The following MAGI2 variants were observed in gnomAD, a reference collection of about 807,000 sequenced individuals.
MAGI2 encodes the protein membrane-associated guanylate kinase, WW and PDZ domain-containing protein 2.
Under a neutral mutation model 133.3 loss-of-function variants are expected in MAGI2, and 35 were observed. The observed-to-expected ratio is 0.26, with a 90% CI of 0.20 to 0.35. The LOEUF is 0.35. Among genes scored for constraint, MAGI2 ranks in the 10% least tolerant of loss-of-function variants. MAGI2 has a pLI of 1.00. For missense variants in MAGI2, 1,636 were observed against 1,863.4 expected (o/e 0.88, Z 2.25); for synonymous variants, 729 against 710.6 (o/e 1.03, Z -0.41).
At chr7:78,735,776 C>A (rs1177031147) in intron 2 of MAGI2, among the ~76,000 whole-genome samples, 1 of 152,090 alleles carries the variant, frequency 6.6e-6, no homozygotes, top group Non-Finnish European at 1.5e-5. Context: ...AGGTCCCATA[C>A]CTAAACCATA....
At chr7:78,942,213 C>A (rs1366417468) in intron 2 of MAGI2, among the ~76,000 whole-genome samples, 1 of 152,078 alleles carries the variant, frequency 6.6e-6, no homozygotes, top group Non-Finnish European at 1.5e-5. Context: ...CAAATTTTGC[C>A]TGGCTCATAT....
At chr7:78,126,466 A>G (rs894574711) in intron 19 of MAGI2, among the ~76,000 whole-genome samples, 15 of 152,212 alleles carry the variant, frequency 9.9e-5, no homozygotes, top group Admixed American at 9.8e-4. Context: ...ATTGTACTTA[A>G]TTTATATCTT....
chr7:78,555,205 GATA>G (rs1799706398), intron 3 of MAGI2, among the ~76,000 whole-genome samples: 1 of 114,132 alleles, frequency 8.8e-6, no homozygotes, highest in African/African-American at 4.0e-5. Flanking sequence ...TGGATGGATA[GATA>G]GATAGATAGA....
chr7:78,363,147 A>G (rs1282432721), intron 7 of MAGI2, among the ~76,000 whole-genome samples: 1 of 152,214 alleles, frequency 6.6e-6, no homozygotes, highest in Non-Finnish European at 1.5e-5. Flanking sequence ...CTTATGAATG[A>G]CTGAAGGCTC....
At chr7:78,322,696 A>C (rs190485602) in intron 9 of MAGI2, among the ~76,000 whole-genome samples, 2 of 152,288 alleles carry the variant, frequency 1.3e-5, no homozygotes, top group East Asian at 3.9e-4. Context: ...CTACCATGGC[A>C]CATGTATACC....
chr7:78,036,977 C>A (rs1449390879), intron 21 of MAGI2, among the ~76,000 whole-genome samples: 2 of 152,154 alleles, frequency 1.3e-5, no homozygotes, highest in Non-Finnish European at 2.9e-5. Flanking sequence ...AGGTGTATCA[C>A]TTCTTTCCCA....
chr7:78,174,459 A>C (rs2150668751), intron 14 of MAGI2, among the ~76,000 whole-genome samples: 1 of 152,378 alleles, frequency 6.6e-6, no homozygotes, highest in East Asian at 1.9e-4. Flanking sequence ...GAAGTGATAC[A>C]AAAATTGCCT....
chr7:78,521,481 C>A lies in MAGI2; in HGVS notation c.703G>T (p.Glu235Ter). Residue 235 changes from glutamate to a stop codon, truncating the protein, a stop_gained, in exon 4 of 22, where the codon GAA (glutamate) becomes TAA (stop). Coordinates refer to ENST00000354212, the MANE Select transcript of MAGI2 (RefSeq NM_012301.4). LOFTEE classifies it high-confidence loss of function. ...TTGACCACAGGCCTCTCTTCCTCTT[C>A]CTCCTCAGGAGGCTCTATACTGGCT... ...EKASIEPPEEEEEERPVVNGN... is the reference protein window; with the variant it reads ...EKASIEPPEE The A allele has an allele frequency of 6.2e-7, 1 of 1,614,130 alleles. No homozygotes were observed. The highest frequency in any genetic ancestry group is 8.5e-7 in the Non-Finnish European group (1 of 1,180,022).
intron 1 of MAGI2, among the ~76,000 whole-genome samples, chr7:79,168,936 A>AT (rs59175251): frequency 4.9e-5 from 7 of 142,550 alleles, no homozygotes; most frequent in East Asian, 4.1e-4. Context: ...ATATATATAA[A>AT]TTTTTTTTCC....
At chr7:79,236,594 T>A (rs1366559058) in intron 1 of MAGI2, among the ~76,000 whole-genome samples, 2 of 152,228 alleles carry the variant, frequency 1.3e-5, no homozygotes, top group African/African-American at 4.8e-5. Flanking sequence ...ACATTTAATG[T>A]CTTTAGACCT....
chr7:78,092,158 T>C (rs1817274639), intron 20 of MAGI2, among the ~76,000 whole-genome samples: 1 of 152,156 alleles, frequency 6.6e-6, no homozygotes, highest in South Asian at 2.1e-4. Context: ...GTGAAAAAAC[T>C]CATGTCTCTG....
chr7:78,974,869 G>A (rs542176272), intron 2 of MAGI2, among the ~76,000 whole-genome samples: 16 of 151,602 alleles, frequency 1.1e-4, no homozygotes, highest in Non-Finnish European at 2.2e-4. Flanking sequence ...AACAATTATC[G>A]AAAGTTTGAC....
chr7:78,480,697 C>T (rs1261598244), intron 6 of MAGI2, among the ~76,000 whole-genome samples: 1 of 151,694 alleles, frequency 6.6e-6, no homozygotes, highest in Non-Finnish European at 1.5e-5. Context: ...CAAAAAATTT[C>T]CTGCAAATAA....
At position 78,570,080 on chromosome 7, in the gene MAGI2, A is replaced by G. The variant is rs527742281; in HGVS notation, c.539-48435T>C. Among the ~76,000 whole-genome samples, 3 of 152,318 alleles carry G rather than the reference A, an allele frequency of 2.0e-5. No individual in the cohort carries two copies. In the East Asian group the frequency reaches 5.8e-4, roughly 29 times the overall value. ...TTATTTTCACTTCATAACTATTAAG[A>G]CAGAGTTGCTATACCCACTCTTGTA... On this transcript the variant is annotated intron_variant, in intron 3 of 21. Coordinates refer to ENST00000354212, the MANE Select transcript of MAGI2 (RefSeq NM_012301.4).
chr7:78,902,778 A>T (rs17151643), intron 2 of MAGI2, among the ~76,000 whole-genome samples: 1 of 152,078 alleles, frequency 6.6e-6, no homozygotes, highest in Non-Finnish European at 1.5e-5. Flanking sequence ...CAAAAGCTCA[A>T]TTGGACCCCT....
chr7:78,536,439 T>C (rs1210345785), intron 3 of MAGI2, among the ~76,000 whole-genome samples: 2 of 152,162 alleles, frequency 1.3e-5, no homozygotes, highest in Non-Finnish European at 2.9e-5. Context: ...GTGATTCCCC[T>C]GTCTTGATAA....
intron 6 of MAGI2, among the ~76,000 whole-genome samples, chr7:78,401,992 G>T (rs1796917241): frequency 6.6e-6 from 1 of 151,876 alleles, no homozygotes; most frequent in Non-Finnish European, 1.5e-5. Context: ...AACCTCTAGA[G>T]TGCAGAGGTT....
intron 1 of MAGI2, among the ~76,000 whole-genome samples, chr7:79,050,541 CCTG>C (rs1812582795): frequency 6.6e-6 from 1 of 152,188 alleles, no homozygotes; most frequent in East Asian, 1.9e-4. Context: ...TGCCACCATG[CCTG>C]GCTAATTTTT....
intron 3 of MAGI2, among the ~76,000 whole-genome samples, chr7:78,619,744 A>C (rs1354467941): frequency 1.3e-5 from 2 of 151,930 alleles, no homozygotes; most frequent in East Asian, 3.9e-4. Flanking sequence ...ACCGTACACT[A>C]TCTGTTGATA....
Sources: allele counts gnomAD v4.1 joint callset (sites outside exome capture counted in the v4.1 genomes callset), GRCh38; gene constraint gnomAD v4.1.1; transcripts MANE v1.5; gene names NCBI Gene and HGNC (gene_info 2026-07-23, HGNC 2026-07-21).